ZBTB41: variants seen among roughly 807,000 people sequenced by gnomAD.
ZBTB41 encodes zinc finger and BTB domain containing 41.
In ZBTB41, 42 loss-of-function variants were observed where a neutral mutation model predicts 87.6. That is an observed-to-expected ratio of 0.48 (90% CI 0.37 to 0.62). ZBTB41 has a LOEUF of 0.62. Among genes scored for constraint, ZBTB41 ranks in the 20% least tolerant of loss-of-function variants. The probability of loss-of-function intolerance (pLI) is 0.00; values close to 1 mark genes in which losing one functional copy is unlikely to be tolerated. For missense variants in ZBTB41, 799 were observed against 1,078.9 expected, an observed-to-expected ratio of 0.74 and a Z score of 3.63; for synonymous variants, 364 against 364.0, an observed-to-expected ratio of 1.00 and a Z score of 0.00.
At chr1:197,181,390 G>C (rs1230595841) in intron 5 of ZBTB41, among the ~76,000 whole-genome samples, 5 of 152,202 alleles carry the variant, frequency 3.3e-5, no homozygotes, top group Non-Finnish European at 7.4e-5. Context: ...AATCAGACTG[G>C]AACAAAGTAG....
chr1:197,182,148 T>C (rs985929657), intron 5 of ZBTB41, among the ~76,000 whole-genome samples: 1 of 152,004 alleles, frequency 6.6e-6, no homozygotes, highest in Non-Finnish European at 1.5e-5. Flanking sequence ...GTGAAGTAAA[T>C]ACACGTGCCA....
chr1:197,168,517 G>A (rs1659401683), intron 10 of ZBTB41, among the ~76,000 whole-genome samples: 1 of 152,086 alleles, frequency 6.6e-6, no homozygotes, highest in African/African-American at 2.4e-5. Flanking sequence ...AATGTAGTGA[G>A]AAAGGATCAT....
At chr1:197,194,906 G>A (rs1571670191) in intron 2 of ZBTB41, among the ~76,000 whole-genome samples, 1 of 152,156 alleles carries the variant, frequency 6.6e-6, no homozygotes, top group South Asian at 2.1e-4. Flanking sequence ...GAAGAGCTAG[G>A]TAGATCTCTA....
chr1:197,179,075 C>T (rs1385962794), intron 6 of ZBTB41, among the ~76,000 whole-genome samples: 1 of 152,108 alleles, frequency 6.6e-6, no homozygotes, highest in East Asian at 1.9e-4. Flanking sequence ...CCTCAAAGTA[C>T]ATCACTAGCA....
intron 7 of ZBTB41, among the ~76,000 whole-genome samples, 173 bp downstream of exon 7, chr1:197,178,244 A>C (rs1459438916): frequency 1.3e-5 from 2 of 151,954 alleles, no homozygotes; most frequent in Non-Finnish European, 2.9e-5. Context: ...CCACAGAATA[A>C]AGATAATAAA....
chr1:197,176,524 A>C (rs1427475190), intron 8 of ZBTB41, 40 bp downstream of exon 8: 1 of 1,386,228 alleles, frequency 7.2e-7, no homozygotes, highest in African/African-American at 1.4e-5. Flanking sequence ...TCAGGTATTT[A>C]AAAAGGATTT....
At chr1:197,174,690 T>G (rs1200247421) in intron 9 of ZBTB41, among the ~76,000 whole-genome samples, 1 of 152,084 alleles carries the variant, frequency 6.6e-6, no homozygotes, top group Admixed American at 6.6e-5. Flanking sequence ...CTGCAAACAT[T>G]TCCTAACAAC....
intron 4 of ZBTB41, among the ~76,000 whole-genome samples, chr1:197,188,770 G>T (rs1395350896): frequency 1.3e-5 from 2 of 152,084 alleles, no homozygotes; most frequent in Non-Finnish European, 1.5e-5. Context: ...GGAATAAAAG[G>T]TTTTTTCAGT....
At chr1:197,165,926 T>C (rs959162484) in intron 10 of ZBTB41, among the ~76,000 whole-genome samples, 1 of 151,792 alleles carries the variant, frequency 6.6e-6, no homozygotes, top group Admixed American at 6.6e-5. Context: ...GGCTAGACAG[T>C]GGGTGCAGCC....
intron 2 of ZBTB41, among the ~76,000 whole-genome samples, chr1:197,195,074 T>C (rs1660131440): frequency 6.6e-6 from 1 of 152,248 alleles, no homozygotes; most frequent in Non-Finnish European, 1.5e-5. Context: ...TTCTCTACTT[T>C]CATGGAGTGG....
chr1:197,159,626 C>T lies in ZBTB41; in HGVS notation c.2463G>A (p.Pro821=), dbSNP rs149802327. 340 of 1,613,774 alleles carry T rather than the reference C, an allele frequency of 2.1e-4. 1 individual carries two copies. Among genetic ancestry groups the T allele is most frequent in the Middle Eastern group, 3.3e-4 (2 of 6,082 alleles). The change falls in exon 11 of 11, where the codon CCG becomes CCA. Residue 821 remains proline, a synonymous_variant. Transcript: ENST00000367405. ...TGGTAGTATGACGCACTAGGTCACTCGGAGTGTCAGGCATCTGAACTGGAA... is the reference window on the plus strand; with the variant it reads ...TGGTAGTATGACGCACTAGGTCACTTGGAGTGTCAGGCATCTGAACTGGAA... ...TLVPVQMPDT[P]SDLVRHTTTL... is the part of the protein sequence containing the mutation.
rs372757922 is a variant in ZBTB41, at chr1:197,200,354, T to A, written c.120A>T (p.Ala40=). ...ECDQVTYTHS[A]GRPTPEALHC... The stretch of plus-strand genomic sequence containing the variant: ...GAAGAGCTTCAGGAGTTGGTCTTCC[T>A]GCAGAATGAGTATAGGTCACTTGGT... The change falls in exon 2 of 11, where the codon GCA becomes GCT. Residue 40 remains alanine (A), a synonymous_variant. Coordinates refer to ENST00000367405, the MANE Select transcript of ZBTB41 (RefSeq NM_194314.3). The A allele has an allele frequency of 3.7e-6, 6 of 1,614,242 alleles. No individual in the cohort carries two copies. The East Asian group carries it at 1.1e-4, about 30-fold the overall frequency.
intron 10 of ZBTB41, among the ~76,000 whole-genome samples, chr1:197,169,421 A>G (rs542624068): frequency 2.0e-5 from 3 of 152,182 alleles, no homozygotes; most frequent in East Asian, 3.9e-4. Flanking sequence ...TCCACACTTA[A>G]TATTTATTAG....
In ZBTB41 at chr1:197,159,348, T is replaced by G; in HGVS notation, c.*11A>C. Reference sequence around the variant, plus strand: ...TAACCATCCAAAAATCTGTGGAATGTTTAGATTTACTCATGAATGATGCTC... The same window carrying G: ...TAACCATCCAAAAATCTGTGGAATGGTTAGATTTACTCATGAATGATGCTC... On this transcript the variant is annotated 3_prime_UTR_variant, in exon 11 of 11. Transcript: ENST00000367405. 1 of 1,611,878 alleles carries G rather than the reference T, an allele frequency of 6.2e-7. No individual in the cohort carries two copies. The highest frequency in any genetic ancestry group is 8.5e-7 in the Non-Finnish European group (1 of 1,178,402).
At chr1:197,173,548 G>A (rs1478125869) in intron 9 of ZBTB41, among the ~76,000 whole-genome samples, 7 of 152,048 alleles carry the variant, frequency 4.6e-5, no homozygotes, top group African/African-American at 7.2e-5. Context: ...GAGACTACAG[G>A]TACATGCCAC....
chr1:197,191,634 C>T (rs1660036553), intron 3 of ZBTB41, 58 bp downstream of exon 3: 29 of 1,400,444 alleles, frequency 2.1e-5, no homozygotes, highest in Non-Finnish European at 2.6e-5. Flanking sequence ...TTTAGCTTTC[C>T]ACATATTTAA....
rs113628452 is a variant in ZBTB41 at position 197,155,614 on chromosome 1, T to C, written c.*3745A>G. 655 of 152,526 alleles carry C rather than the reference T, an allele frequency of 4.3e-3. 5 individuals are homozygous for C. Among genetic ancestry groups the C allele is most frequent in the African/African-American group, 0.015 (638 of 41,548 alleles). The allele number at this position is 152,526 out of a possible 1,614,324, so 9.4% of individuals were successfully genotyped here. On this transcript the variant is annotated 3_prime_UTR_variant, in exon 11 of 11. Coordinates refer to ENST00000367405, the MANE Select transcript of ZBTB41 (RefSeq NM_194314.3). ...AACTGTGTTTTTAATTTGTTTGCAA[T>C]TATATTGAAAAGCAACCAATGATAA...
Position 197,156,364 on chromosome 1 carries a change from C to G in ZBTB41, c.*2995G>C, listed in dbSNP as rs1659069242. ...TCAAAACCCATTAGATTAACACATTCCTGCACTTGATAAATTATTCAATTT... is the reference window on the plus strand; with the variant it reads ...TCAAAACCCATTAGATTAACACATTGCTGCACTTGATAAATTATTCAATTT... On this transcript the variant is annotated 3_prime_UTR_variant, in exon 11 of 11. Transcript: ENST00000367405. 6.6e-6 allele frequency: 1 copy of G among 152,182 alleles called. No individual in the cohort carries two copies. Among genetic ancestry groups the G allele is most frequent in the Admixed American group, 6.6e-5 (1 of 15,220 alleles). The allele number at this position is 152,182 out of a possible 1,614,324, so 9.4% of individuals were successfully genotyped here.
At position 197,191,853 on chromosome 1, in the gene ZBTB41, A is replaced by AAAG; in HGVS notation, c.1164_1166dup (p.Phe389dup). On this transcript the variant is annotated inframe_insertion, in exon 3 of 11. Transcript: ENST00000367405. Reference sequence around the variant, plus strand: ...AGCGCTGGTGACAAATATCACACTCAAAGGGCTTCTCACCTGTGTGAACAC... The same window carrying AAAG: ...AGCGCTGGTGACAAATATCACACTCAAAGAAGGGCTTCTCACCTGTGTGAACAC... The AAAG allele has an allele frequency of 1.2e-6, 2 of 1,613,846 alleles. No homozygotes were observed. The highest frequency in any genetic ancestry group is 1.7e-6 in the Non-Finnish European group (2 of 1,179,866).
Sources: gnomAD v4.1 joint callset for allele counts (sites outside exome capture counted in the v4.1 genomes callset) on GRCh38, gnomAD v4.1.1 for gene constraint, MANE v1.5 for transcripts, NCBI Gene and HGNC (gene_info 2026-07-23, HGNC 2026-07-21) for gene names.